Variants in MDGA2 observed in about 807,000 individuals in gnomAD.
MDGA2 encodes MAM domain containing glycosylphosphatidylinositol anchor 2.
Under a neutral mutation model 117.8 loss-of-function variants are expected in MDGA2, and 40 were observed. The ratio of observed to expected loss-of-function variants is 0.34; its 90% CI spans 0.26 to 0.44. The LOEUF (loss-of-function observed/expected upper bound fraction) is 0.44, where lower values mean the gene tolerates loss of function less well. Ranked by LOEUF, MDGA2 falls within the 20% of genes least tolerant of loss-of-function variation. MDGA2 has a pLI of 1.00. For missense variants in MDGA2, 1,123 were observed against 1,250.6 expected, an observed-to-expected ratio of 0.90 and a Z score of 1.54; for synonymous variants, 452 against 439.0, an observed-to-expected ratio of 1.03 and a Z score of -0.37.
At chr14:47,487,046 A>G (rs569302416) in intron 1 of MDGA2, among the ~76,000 whole-genome samples, 44 of 152,278 alleles carry the variant, frequency 2.9e-4, no homozygotes, top group African/African-American at 1.1e-3. Context: ...GAAACACAAA[A>G]ATCTCTTCCC....
chr14:47,163,418 G>T (rs1035795900), intron 3 of MDGA2, among the ~76,000 whole-genome samples: 2 of 152,120 alleles, frequency 1.3e-5, no homozygotes, highest in African/African-American at 2.4e-5. Context: ...GGTGGGTTGT[G>T]GGGGTGGGGG....
At chr14:47,061,061 A>C (rs1889863804) in intron 7 of MDGA2, among the ~76,000 whole-genome samples, 188 bp downstream of exon 7, 1 of 152,066 alleles carries the variant, frequency 6.6e-6, no homozygotes, top group Admixed American at 6.6e-5. Context: ...ATCTTATGTA[A>C]ATCTAAATCA....
chr14:47,656,282 C>A (rs1376442786), intron 1 of MDGA2, among the ~76,000 whole-genome samples: 1 of 152,176 alleles, frequency 6.6e-6, no homozygotes, highest in Non-Finnish European at 1.5e-5. Context: ...ACCCCTACAT[C>A]TTTCCTATTG....
rs539734248 is a variant in MDGA2 at position 47,409,976 on chromosome 14, A to C, written c.281-108426T>G. On this transcript the variant is annotated intron_variant, in intron 1 of 16. Transcript: ENST00000399232. ...GTCTGTGAAGTATGTACGATAACTG[A>C]TTTCTGCTCCATAATAAGCACCACA... Among the ~76,000 whole-genome samples the C allele has an allele frequency of 2.0e-5, 3 of 152,302 alleles. No individual in the cohort carries two copies. In the East Asian group the frequency reaches 5.8e-4, roughly 29 times the overall value.
At chr14:47,099,072 C>T (rs1013438087) in intron 5 of MDGA2, among the ~76,000 whole-genome samples, 10 of 151,850 alleles carry the variant, frequency 6.6e-5, no homozygotes, top group Non-Finnish European at 1.3e-4. Flanking sequence ...GCTCAAGTTA[C>T]GTTTATTGAT....
intron 10 of MDGA2, among the ~76,000 whole-genome samples, chr14:46,891,485 C>A (rs1480020281): frequency 6.6e-6 from 1 of 151,254 alleles, no homozygotes; most frequent in Non-Finnish European, 1.5e-5. Context: ...ATGTTTTTAA[C>A]TTTCAGAGCA....
chr14:47,102,448 C>T (rs1325667937), intron 5 of MDGA2, among the ~76,000 whole-genome samples: 1 of 151,468 alleles, frequency 6.6e-6, no homozygotes, highest in Admixed American at 6.6e-5. Flanking sequence ...AGAATAAACG[C>T]CAATTTTAAA....
At chr14:46,971,304 G>C (rs1331171722) in intron 8 of MDGA2, among the ~76,000 whole-genome samples, 2 of 152,110 alleles carry the variant, frequency 1.3e-5, no homozygotes, top group East Asian at 3.8e-4. Context: ...CAAAGATATA[G>C]AATCAACCTA....
chr14:47,054,930 A>G (rs796899408), intron 7 of MDGA2, among the ~76,000 whole-genome samples: 29 of 151,226 alleles, frequency 1.9e-4, no homozygotes, highest in African/African-American at 6.5e-4. Flanking sequence ...AGCTTTCTGT[A>G]TCTTTTTTTT....
At chr14:47,414,658 C>T (rs943995648) in intron 1 of MDGA2, among the ~76,000 whole-genome samples, 20 of 152,110 alleles carry the variant, frequency 1.3e-4, no homozygotes, top group African/African-American at 4.6e-4. Context: ...GGATCTGAAA[C>T]CTGCCAAGGT....
chr14:47,370,468 G>GTTTTTTTTTTTTTTTTT lies in MDGA2; in HGVS notation c.281-68935_281-68919dup, dbSNP rs67255552. On this transcript the variant is annotated intron_variant, in intron 1 of 16. Coordinates refer to ENST00000399232, the MANE Select transcript of MDGA2 (RefSeq NM_001113498.3). Reference sequence around the variant, plus strand: ...TTACTATTTTCTAGGTCTACTTACTGTTTTTTTTTTTTTTTTTTTTTTTTT... The same window carrying GTTTTTTTTTTTTTTTTT: ...TTACTATTTTCTAGGTCTACTTACTGTTTTTTTTTTTTTTTTTTTTTTTTTTTTTTTTTTTTTTTTTT... Among the ~76,000 whole-genome samples the GTTTTTTTTTTTTTTTTT allele has an allele frequency of 1.5e-4, 3 of 20,684 alleles. 1 individual carries two copies. The highest frequency in any genetic ancestry group is 2.0e-4 in the Non-Finnish European group (2 of 9,988). 13.6% of individuals were successfully genotyped at this position (20,684 alleles called of 152,430 possible).
At chr14:47,457,414 G>A (rs185399362) in intron 1 of MDGA2, among the ~76,000 whole-genome samples, 35 of 152,168 alleles carry the variant, frequency 2.3e-4, no homozygotes, top group Admixed American at 5.9e-4. Context: ...ATTACCCTTC[G>A]TAAATTAAAA....
At chr14:47,162,128 G>A (rs1357722952) in intron 3 of MDGA2, among the ~76,000 whole-genome samples, 7 of 151,472 alleles carry the variant, frequency 4.6e-5, no homozygotes, top group African/African-American at 1.7e-4. Context: ...TGTATTTTTA[G>A]TAGAAGCAGG....
chr14:47,072,445 G>GT (rs2138846624), intron 6 of MDGA2, among the ~76,000 whole-genome samples: 1 of 152,334 alleles, frequency 6.6e-6, no homozygotes, highest in South Asian at 2.1e-4. Context: ...TGACTATTAT[G>GT]TTGGAGGAGT....
chr14:47,497,454 C>T (rs116909468), intron 1 of MDGA2, among the ~76,000 whole-genome samples: 3,365 of 152,154 alleles, frequency 0.022, 69 homozygotes, highest in Non-Finnish European at 0.036. Context: ...GAAGGGGTCT[C>T]ACCATGTTGG....
chr14:47,371,367 G>A (rs1244045264), intron 1 of MDGA2, among the ~76,000 whole-genome samples: 2 of 151,668 alleles, frequency 1.3e-5, no homozygotes, highest in African/African-American at 4.8e-5. Flanking sequence ...CAAGTTATTT[G>A]GAAGTATCAA....
At chr14:46,907,478 G>A (rs1338409913) in intron 10 of MDGA2, among the ~76,000 whole-genome samples, 2 of 151,996 alleles carry the variant, frequency 1.3e-5, no homozygotes. Context: ...GACCTCTATT[G>A]TTCTCATAAT....
rs1235612983 is a variant in MDGA2 at position 47,579,022 on chromosome 14, C to T, written c.280+95495G>A. Among the ~76,000 whole-genome samples, 6 of 152,002 alleles carry T rather than the reference C, an allele frequency of 3.9e-5. No homozygotes were observed. The East Asian group carries it at 9.7e-4, about 24-fold the overall frequency. On this transcript the variant is annotated intron_variant, in intron 1 of 16. Transcript: ENST00000399232. ...ATCATCACCATTTGCTATTTGGGTT[C>T]AATTTTTTAATACAAATATCTTAAA...
chr14:47,643,055 T>G (rs1014122377), intron 1 of MDGA2, among the ~76,000 whole-genome samples: 1 of 152,068 alleles, frequency 6.6e-6, no homozygotes, highest in African/African-American at 2.4e-5. Flanking sequence ...CTAACCACTA[T>G]GTAAGCATTC....
Sources: allele counts gnomAD v4.1 joint callset (sites outside exome capture counted in the v4.1 genomes callset), GRCh38; gene constraint gnomAD v4.1.1; transcripts MANE v1.5; gene names NCBI Gene and HGNC (gene_info 2026-07-23, HGNC 2026-07-21).